CCDC171: variants seen among roughly 807,000 people sequenced by gnomAD.
The protein encoded by CCDC171 is coiled-coil domain-containing protein 171.
CCDC171 carries 177 observed loss-of-function variants against 168.2 expected under a neutral mutation model. That is an observed-to-expected ratio of 1.05 (90% CI 0.93 to 1.19). The LOEUF (loss-of-function observed/expected upper bound fraction) is 1.19, where lower values mean the gene tolerates loss of function less well. CCDC171 is among the 50% of genes most tolerant of loss of function. The pLI, the probability that CCDC171 is intolerant of heterozygous loss-of-function variation, is 0.00. For missense variants in CCDC171, 1,991 were observed against 1,539.0 expected (o/e 1.29, Z -4.91); for synonymous variants, 687 against 540.8 (o/e 1.27, Z -3.75).
At chr9:15,647,014 C>G (rs1173148243) in intron 7 of CCDC171, among the ~76,000 whole-genome samples, 1 of 152,200 alleles carries the variant, frequency 6.6e-6, no homozygotes, top group Non-Finnish European at 1.5e-5. Flanking sequence ...AAGCACTCCT[C>G]AGCAAATGCA....
At chr9:16,054,466 C>T (rs1833801720) in intron 1 of CCDC171, among the ~76,000 whole-genome samples, 1 of 152,026 alleles carries the variant, frequency 6.6e-6, no homozygotes, top group African/African-American at 2.4e-5. Flanking sequence ...AGGGAGATTT[C>T]AGGCATAGCG....
At chr9:15,691,546 TTATATA>T (rs55892512) in intron 10 of CCDC171, among the ~76,000 whole-genome samples, 7 of 106,406 alleles carry the variant, frequency 6.6e-5, no homozygotes, top group African/African-American at 2.7e-4. Flanking sequence ...TATATGTTTT[TTATATA>T]TATATATATA....
At chr9:15,691,430 AATTACCTTTT>A (rs1218928213) in intron 10 of CCDC171, among the ~76,000 whole-genome samples, 1 of 150,176 alleles carries the variant, frequency 6.7e-6, no homozygotes, top group Admixed American at 6.6e-5. Flanking sequence ...GTGAGAATTG[AATTACCTTTT>A]ATTTTTCTCT....
downstream of CCDC171, among the ~76,000 whole-genome samples, chr9:16,066,473 T>A (rs1356660387): frequency 6.7e-6 from 1 of 149,822 alleles, no homozygotes; most frequent in Admixed American, 6.6e-5. Context: ...TTTTTTTTTT[T>A]ATTATACTTT....
the CCDC171 span, among the ~76,000 whole-genome samples, chr9:16,075,911 A>G: frequency 7.2e-5 from 11 of 152,256 alleles, no homozygotes; most frequent in Admixed American, 2.0e-4. Flanking sequence ...AGGTTGAAGT[A>G]GATAGAGGGC....
At chr9:15,712,001 C>A (rs190885984) in intron 11 of CCDC171, among the ~76,000 whole-genome samples, 5 of 152,164 alleles carry the variant, frequency 3.3e-5, no homozygotes, top group African/African-American at 1.2e-4. Flanking sequence ...TGGTTCTAGT[C>A]TGAGTTTGAA....
At chr9:16,016,253 C>T (rs191163695) in intron 3 of CCDC171, among the ~76,000 whole-genome samples, 135 of 152,188 alleles carry the variant, frequency 8.9e-4, no homozygotes, top group African/African-American at 3.0e-3. Context: ...CCATTACTAC[C>T]TCCTCCAAGA....
chr9:15,653,627 C>A (rs946475953), intron 7 of CCDC171, among the ~76,000 whole-genome samples: 7 of 152,082 alleles, frequency 4.6e-5, no homozygotes, highest in Admixed American at 3.3e-4. Context: ...CAGCTTATGA[C>A]CAATCTTATT....
chr9:15,737,456 A>G (rs982846324), intron 16 of CCDC171, among the ~76,000 whole-genome samples: 2 of 152,194 alleles, frequency 1.3e-5, no homozygotes, highest in African/African-American at 2.4e-5. Flanking sequence ...CCAGGATCTG[A>G]AAGCACAGAA....
chr9:15,599,488 C>T (rs1402454499), intron 6 of CCDC171, among the ~76,000 whole-genome samples: 3 of 152,294 alleles, frequency 2.0e-5, no homozygotes, highest in East Asian at 1.9e-4. Flanking sequence ...CCACTCTCTC[C>T]TGGCTTGTAG....
At chr9:15,572,230 A>T (rs1353544721) in intron 3 of CCDC171, among the ~76,000 whole-genome samples, 1 of 152,176 alleles carries the variant, frequency 6.6e-6, no homozygotes, top group Non-Finnish European at 1.5e-5. Flanking sequence ...TCATATGTAT[A>T]TGCATATAGT....
intron 1 of CCDC171, among the ~76,000 whole-genome samples, chr9:15,553,765 C>CTGTGCG (rs2038538484): frequency 6.6e-6 from 1 of 152,174 alleles, no homozygotes; most frequent in Non-Finnish European, 1.5e-5. Context: ...CTCTGAGAGA[C>CTGTGCG]TTAGAATCTG....
intron 1 of CCDC171, among the ~76,000 whole-genome samples, chr9:16,050,441 A>G (rs1161105933): frequency 9.3e-6 from 1 of 107,246 alleles, no homozygotes; most frequent in East Asian, 4.0e-4. Flanking sequence ...TGAAGATCTT[A>G]GAGGTAAAAA....
At chr9:15,662,199 C>A (rs1274355303) in intron 8 of CCDC171, among the ~76,000 whole-genome samples, 1 of 152,146 alleles carries the variant, frequency 6.6e-6, no homozygotes, top group Non-Finnish European at 1.5e-5. Context: ...ATTGCTTGAG[C>A]CTGGGAGGTG....
chr9:15,574,147 C>G (rs935367643), intron 3 of CCDC171, among the ~76,000 whole-genome samples: 4 of 145,014 alleles, frequency 2.8e-5, no homozygotes, highest in Non-Finnish European at 4.6e-5. Flanking sequence ...TTCTCTTTTT[C>G]TTTTTTTTTT....
chr9:15,795,623 A>G (rs1259281165), intron 21 of CCDC171, among the ~76,000 whole-genome samples: 1 of 152,234 alleles, frequency 6.6e-6, no homozygotes, highest in Non-Finnish European at 1.5e-5. Context: ...AGAGTTGATA[A>G]TAATAATGTT....
At chr9:15,663,918 T>C (rs979032984) in intron 8 of CCDC171, among the ~76,000 whole-genome samples, 3 of 152,120 alleles carry the variant, frequency 2.0e-5, no homozygotes, top group Non-Finnish European at 4.4e-5. Flanking sequence ...GAATTTTCTT[T>C]TTAGTAGTTG....
intron 21 of CCDC171, among the ~76,000 whole-genome samples, chr9:15,835,225 GAATA>G (rs1373562039): frequency 6.6e-6 from 1 of 152,066 alleles, no homozygotes; most frequent in Admixed American, 6.6e-5. Flanking sequence ...TCAAAGAGTT[GAATA>G]AATGATAGTG....
intron 19 of CCDC171, among the ~76,000 whole-genome samples, chr9:15,778,160 G>A (rs1454873314): frequency 9.9e-5 from 15 of 151,272 alleles, no homozygotes; most frequent in African/African-American, 3.2e-4. Flanking sequence ...AGCCCGGCGC[G>A]GTGGCGGGCG....
Sources: gnomAD v4.1 joint callset for allele counts (sites outside exome capture counted in the v4.1 genomes callset) on GRCh38, gnomAD v4.1.1 for gene constraint, MANE v1.5 for transcripts, NCBI Gene and HGNC (gene_info 2026-07-23, HGNC 2026-07-21) for gene names.